The following PCSK5 variants were observed in gnomAD, a reference collection of about 807,000 sequenced individuals.
The protein encoded by PCSK5 is prohormone convertase 5.
In PCSK5, 129 loss-of-function variants were observed where a neutral mutation model predicts 233.2. That is an observed-to-expected ratio of 0.55 (90% CI 0.48 to 0.64). The LOEUF (loss-of-function observed/expected upper bound fraction) is 0.64. Ranked by LOEUF, PCSK5 falls within the 30% of genes least tolerant of loss-of-function variation. The pLI is 0.00. For synonymous variants in PCSK5, 825 were observed against 879.2 expected (o/e 0.94, Z 1.09); for missense variants, 2,076 against 2,430.1 (o/e 0.85, Z 3.06).
chr9:75,912,145 A>T (rs1822770254), intron 1 of PCSK5, among the ~76,000 whole-genome samples: 2 of 151,710 alleles, frequency 1.3e-5, no homozygotes, highest in African/African-American at 4.8e-5. Flanking sequence ...GAGACTGGAA[A>T]TTTTTTTTTC....
intron 9 of PCSK5, among the ~76,000 whole-genome samples, chr9:76,121,750 G>T (rs1346637178): frequency 6.6e-6 from 1 of 151,836 alleles, no homozygotes; most frequent in Non-Finnish European, 1.5e-5. Context: ...AAACCATCTG[G>T]CCTCAAAGCC....
chr9:76,084,704 G>C (rs1454034287), intron 7 of PCSK5, among the ~76,000 whole-genome samples: 2 of 152,114 alleles, frequency 1.3e-5, no homozygotes, highest in East Asian at 3.9e-4. Context: ...GAATTTCTAT[G>C]ATTCTAAACA....
intron 30 of PCSK5, among the ~76,000 whole-genome samples, chr9:76,320,904 T>A (rs1339565274): frequency 6.6e-6 from 1 of 151,418 alleles, no homozygotes; most frequent in African/African-American, 2.4e-5. Flanking sequence ...AGCCTCTGCC[T>A]CCCGAGTTCA....
At chr9:75,970,072 C>A (rs1336842973) in intron 2 of PCSK5, among the ~76,000 whole-genome samples, 1 of 151,980 alleles carries the variant, frequency 6.6e-6, no homozygotes, top group Admixed American at 6.6e-5. Context: ...GGGGTTTCAC[C>A]ATGTTGGCCA....
intron 37 of PCSK5, among the ~76,000 whole-genome samples, chr9:76,357,350 C>A (rs1830327526): frequency 6.6e-6 from 1 of 152,098 alleles, no homozygotes; most frequent in African/African-American, 2.4e-5. Context: ...AACCCCATCT[C>A]TACTAAAAAT....
intron 20 of PCSK5, chr9:76,195,016 A>AACTT (rs1312116114): frequency 1.1e-5 from 2 of 181,946 alleles, no homozygotes; most frequent in South Asian, 1.0e-4. Flanking sequence ...CATCAAAGAT[A>AACTT]ACTTACAACC....
chr9:76,331,269 G>C (rs1042511061), intron 33 of PCSK5, among the ~76,000 whole-genome samples: 1 of 152,124 alleles, frequency 6.6e-6, no homozygotes, highest in Non-Finnish European at 1.5e-5. Flanking sequence ...ACTCTACTTG[G>C]TAAAGGACTT....
In PCSK5 at chr9:76,325,970, G is replaced by A. The variant is rs544092999; in HGVS notation, c.4340-2039G>A. Among the ~76,000 whole-genome samples, 3 of 152,258 alleles carry A rather than the reference G, an allele frequency of 2.0e-5. No individual in the cohort carries two copies. In the South Asian group the frequency reaches 6.2e-4, roughly 32 times the overall value. On this transcript the variant is annotated intron_variant, in intron 32 of 37. Transcript: ENST00000674117. ...ACTTTCTACCAGACCAAAGGGAGGG[G>A]AAGGAATGTGGTATTGGAAGAAACA...
At chr9:76,179,847 C>T in intron 15 of PCSK5, 149 bp downstream of exon 15, 1 of 598,622 alleles carries the variant, frequency 1.7e-6, no homozygotes, top group Non-Finnish European at 3.0e-6. Context: ...GGCTGCTGTG[C>T]AGGCCGACTG....
intron 31 of PCSK5, among the ~76,000 whole-genome samples, chr9:76,322,021 C>T (rs1829221649): frequency 6.6e-6 from 1 of 152,170 alleles, no homozygotes; most frequent in South Asian, 2.1e-4. Flanking sequence ...TCAATCTCAG[C>T]TCACTGCAAC....
At chr9:76,252,230 C>A (rs1035969923) in intron 24 of PCSK5, among the ~76,000 whole-genome samples, 1 of 151,978 alleles carries the variant, frequency 6.6e-6, no homozygotes, top group Non-Finnish European at 1.5e-5. Flanking sequence ...ATCGCGTGCC[C>A]CTGCACTCCA....
chr9:76,138,218 T>C (rs1010723185), intron 10 of PCSK5, among the ~76,000 whole-genome samples: 12 of 152,122 alleles, frequency 7.9e-5, no homozygotes, highest in African/African-American at 2.9e-4. Flanking sequence ...AACAGAAATT[T>C]ACACTCCATC....
In PCSK5 at chr9:76,067,556, G is replaced by T. The variant is rs1017523554; in HGVS notation, c.633-399G>T. Among the ~76,000 whole-genome samples, 6 of 152,218 alleles carry T rather than the reference G, an allele frequency of 3.9e-5. No homozygotes were observed. In the East Asian group the frequency reaches 7.7e-4, roughly 20 times the overall value. On this transcript the variant is annotated intron_variant, in intron 5 of 37. Coordinates refer to ENST00000674117, the MANE Select transcript of PCSK5 (RefSeq NM_001372043.1). Reference sequence around the variant, plus strand: ...ACCCATCTTAAGTTTTCTAATAATTGATTTGAGTATTAGTTCTTAAGCTTA... The same window carrying T: ...ACCCATCTTAAGTTTTCTAATAATTTATTTGAGTATTAGTTCTTAAGCTTA...
At chr9:76,211,133 T>C (rs1018428144) in intron 20 of PCSK5, among the ~76,000 whole-genome samples, 1 of 152,238 alleles carries the variant, frequency 6.6e-6, no homozygotes, top group Non-Finnish European at 1.5e-5. Context: ...CTGAGAAGAA[T>C]TGTTTAGAAA....
chr9:76,267,075 T>C (rs1166414337), intron 24 of PCSK5, among the ~76,000 whole-genome samples: 3 of 152,238 alleles, frequency 2.0e-5, no homozygotes, highest in African/African-American at 7.2e-5. Flanking sequence ...CCTGGAGGGC[T>C]GTGAAATGCC....
chr9:75,896,613 A>C (rs1825816432), intron 1 of PCSK5, among the ~76,000 whole-genome samples: 1 of 152,138 alleles, frequency 6.6e-6, no homozygotes, highest in African/African-American at 2.4e-5. Flanking sequence ...TATTCATTTA[A>C]TTCAGGTTGT....
In PCSK5 at chr9:76,296,592, TCCAG is replaced by T. The variant is rs1828444288; in HGVS notation, c.3323-70_3323-67del. 29 of 946,004 alleles carry T rather than the reference TCCAG, an allele frequency of 3.1e-5. No individual in the cohort carries two copies. In the Admixed American group the frequency reaches 6.4e-4, roughly 21 times the overall value. The allele number at this position is 946,004 out of a possible 1,614,324, so 58.6% of individuals were successfully genotyped here. A position where few individuals can be genotyped will look rare whatever the true frequency, so the allele number is the denominator to read the frequency against. ...AAAGAAAAATGTCCCTAAAATTTCCTCCAGCCTCTTTAGAACTTGGCCTTGCAAA... is the reference window on the plus strand; with the variant it reads ...AAAGAAAAATGTCCCTAAAATTTCCTCCTCTTTAGAACTTGGCCTTGCAAA... On this transcript the variant is annotated intron_variant, in intron 26 of 37. Coordinates refer to ENST00000674117, the MANE Select transcript of PCSK5 (RefSeq NM_001372043.1).
intron 13 of PCSK5, 135 bp from the exon 14 acceptor site, chr9:76,174,851 G>A (rs550042970): frequency 2.6e-5 from 18 of 703,886 alleles, no homozygotes; most frequent in Admixed American, 1.1e-4. Context: ...CTAGCTCTGC[G>A]TTTGATGTAG....
At chr9:75,955,545 A>T (rs947311294) in intron 2 of PCSK5, among the ~76,000 whole-genome samples, 4 of 152,184 alleles carry the variant, frequency 2.6e-5, no homozygotes, top group African/African-American at 9.7e-5. Context: ...TACTACTAAA[A>T]ATAGGAAGAA....
Sources: allele counts gnomAD v4.1 joint callset (sites outside exome capture counted in the v4.1 genomes callset), GRCh38; gene constraint gnomAD v4.1.1; transcripts MANE v1.5; gene names NCBI Gene and HGNC (gene_info 2026-07-23, HGNC 2026-07-21).